NRIP3: variants seen among roughly 807,000 people sequenced by gnomAD.
The protein encoded by NRIP3 is nuclear receptor-interacting protein 3.
NRIP3 carries 31 observed loss-of-function variants against 29.0 expected under a neutral mutation model. The ratio of observed to expected loss-of-function variants is 1.07; its 90% CI spans 0.80 to 1.44. The LOEUF is 1.44. NRIP3 is among the 40% of genes most tolerant of loss of function. The pLI is 0.00. For synonymous variants in NRIP3, 131 were observed against 118.3 expected, an observed-to-expected ratio of 1.11 and a Z score of -0.70; for missense variants, 314 against 297.9, an observed-to-expected ratio of 1.05 and a Z score of -0.40.
At chr11:8,994,710 G>C (rs141730105) in intron 1 of NRIP3, among the ~76,000 whole-genome samples, 1 of 152,056 alleles carries the variant, frequency 6.6e-6, no homozygotes, top group African/African-American at 2.4e-5. Flanking sequence ...ATCCTGAAAC[G>C]CTCCTCCACT....
At chr11:8,993,808 C>CAAAAAAAA (rs35171191) in intron 1 of NRIP3, among the ~76,000 whole-genome samples, 1 of 92,242 alleles carries the variant, frequency 1.1e-5, no homozygotes, top group Non-Finnish European at 2.2e-5. Context: ...GACCCTGCCT[C>CAAAAAAAA]AAAAAAAAAA....
chr11:8,999,302 C>G (rs1436732836), intron 1 of NRIP3, among the ~76,000 whole-genome samples: 2 of 152,158 alleles, frequency 1.3e-5, no homozygotes, highest in African/African-American at 4.8e-5. Flanking sequence ...GAACCTGATC[C>G]TTCCTCCTCT....
rs1333152783 is a variant in NRIP3 at position 8,981,335 on chromosome 11, G to C, written c.*2210C>G. ...TACAAAAAATTAGCCAGGCGTGGTG[G>C]CAGGTGCCTGTAGTCCCAGCTACTT... On this transcript the variant is annotated 3_prime_UTR_variant, in exon 7 of 7. Transcript: ENST00000309166. 6.6e-6 allele frequency: 1 copy of C among 152,182 alleles called. No homozygotes were observed. The highest frequency in any genetic ancestry group is 1.5e-5 in the Non-Finnish European group (1 of 68,110). The allele number at this position is 152,182 out of a possible 1,614,324, so 9.4% of individuals were successfully genotyped here.
intron 1 of NRIP3, among the ~76,000 whole-genome samples, chr11:8,997,241 GGTGGGTGTCT>G (rs1230755916): frequency 6.6e-6 from 1 of 150,732 alleles, no homozygotes; most frequent in Non-Finnish European, 1.5e-5. Flanking sequence ...CAGGTGTGGT[GGTGGGTGTCT>G]GTAATCCCAG....
intron 1 of NRIP3, among the ~76,000 whole-genome samples, chr11:8,997,385 A>G (rs868621165): frequency 3.3e-5 from 5 of 152,094 alleles, no homozygotes; most frequent in South Asian, 2.1e-4. Context: ...AAAAGAAAGA[A>G]AAAAGGATAC....
chr11:8,982,331 A>T lies in NRIP3; in HGVS notation c.*1214T>A, dbSNP rs1373715399. The T allele has an allele frequency of 3.3e-5, 5 of 152,496 alleles. No individual in the cohort carries two copies. Among genetic ancestry groups the T allele is most frequent in the African/African-American group, 9.6e-5 (4 of 41,472 alleles). 9.4% of individuals were successfully genotyped at this position (152,496 alleles called of 1,614,324 possible). ...TTTCCTTGTATCAGGACAGAACTGAACATCTCAATTCCCTGCCTGAAAATG... is the reference window on the plus strand; with the variant it reads ...TTTCCTTGTATCAGGACAGAACTGATCATCTCAATTCCCTGCCTGAAAATG... On this transcript the variant is annotated 3_prime_UTR_variant, in exon 7 of 7. Coordinates refer to ENST00000309166, the MANE Select transcript of NRIP3 (RefSeq NM_020645.3).
intron 1 of NRIP3, among the ~76,000 whole-genome samples, chr11:8,989,157 T>C (rs1167296455): frequency 6.6e-6 from 1 of 152,238 alleles, no homozygotes; most frequent in African/African-American, 2.4e-5. Flanking sequence ...TACACTTTGA[T>C]AGAGCTTAGG....
intron 4 of NRIP3, among the ~76,000 whole-genome samples, chr11:8,985,354 A>T (rs1199743140): frequency 6.6e-6 from 1 of 150,832 alleles, no homozygotes; most frequent in African/African-American, 2.4e-5. Context: ...TATTTTTAGT[A>T]GAGATGGGGT....
rs1854407608 is a variant in NRIP3 at position 8,981,141 on chromosome 11, A to G, written c.*2404T>C. The G allele has an allele frequency of 6.6e-6, 1 of 152,260 alleles. No homozygotes were observed. Among genetic ancestry groups the G allele is most frequent in the Admixed American group, 6.5e-5 (1 of 15,282 alleles). The allele number at this position is 152,260 out of a possible 1,614,324, so 9.4% of individuals were successfully genotyped here. On this transcript the variant is annotated 3_prime_UTR_variant, in exon 7 of 7. Transcript: ENST00000309166. ...CCCTCATGCACATCAAGGAGATATGAGCTAGGAGAATAATCAACTTGGAGG... is the reference window on the plus strand; with the variant it reads ...CCCTCATGCACATCAAGGAGATATGGGCTAGGAGAATAATCAACTTGGAGG...
chr11:9,003,967 G>GT lies in NRIP3; in HGVS notation c.-33_-32insA. 1 of 1,465,376 alleles carries GT rather than the reference G, an allele frequency of 6.8e-7. No individual in the cohort carries two copies. Among genetic ancestry groups the GT allele is most frequent in the Non-Finnish European group, 9.1e-7 (1 of 1,103,278 alleles). 90.8% of individuals were successfully genotyped at this position (1,465,376 alleles called of 1,614,324 possible). A position where few individuals can be genotyped will look rare whatever the true frequency, so the allele number is the denominator to read the frequency against. On this transcript the variant is annotated 5_prime_UTR_variant, in exon 1 of 7. Coordinates refer to ENST00000309166, the MANE Select transcript of NRIP3 (RefSeq NM_020645.3). Reference sequence around the variant, plus strand: ...GGCGCCGGCGGCCCGGTAGCCCACAGCCCCCCGGCAGCCTCAGCCTCGAGC... The same window carrying GT: ...GGCGCCGGCGGCCCGGTAGCCCACAGTCCCCCCGGCAGCCTCAGCCTCGAGC...
At chr11:8,985,319 A>G (rs982551755) in intron 4 of NRIP3, among the ~76,000 whole-genome samples, 23 of 151,136 alleles carry the variant, frequency 1.5e-4, no homozygotes, top group East Asian at 7.8e-4. Context: ...ACAGGCGCCC[A>G]CCACCACGCC....
intron 1 of NRIP3, among the ~76,000 whole-genome samples, chr11:8,997,960 G>A (rs1426374149): frequency 3.3e-5 from 5 of 152,174 alleles, no homozygotes; most frequent in African/African-American, 1.2e-4. Context: ...GAAATCCAAG[G>A]TCACTAGCTA....
chr11:8,984,877 G>A (rs1169475574), intron 4 of NRIP3, among the ~76,000 whole-genome samples: 2 of 151,764 alleles, frequency 1.3e-5, no homozygotes, highest in Non-Finnish European at 2.9e-5. Context: ...TTGAGACGGA[G>A]TTTCGCTCTT....
At chr11:9,000,593 G>C (rs1305040098) in intron 1 of NRIP3, among the ~76,000 whole-genome samples, 1 of 152,156 alleles carries the variant, frequency 6.6e-6, no homozygotes, top group Non-Finnish European at 1.5e-5. Context: ...ATGCCTACAG[G>C]TAAGTATAAT....
chr11:8,999,877 C>T (rs914580267), intron 1 of NRIP3, among the ~76,000 whole-genome samples: 6 of 152,196 alleles, frequency 3.9e-5, no homozygotes, highest in Non-Finnish European at 5.9e-5. Flanking sequence ...CCACCCCACC[C>T]CAGTCACTGC....
At position 8,985,668 on chromosome 11, in the gene NRIP3, G is replaced by T. The variant is rs369526739; in HGVS notation, c.562+43C>A. The T allele has an allele frequency of 3.1e-6, 5 of 1,594,508 alleles. No homozygotes were observed. The African/African-American group carries it at 6.7e-5, about 21-fold the overall frequency. ...AGGTTTTGTTGGGGGTAGGGAGAGGGTTTCCGTTAGGGTCCATAGGTCCAG... is the reference window on the plus strand; with the variant it reads ...AGGTTTTGTTGGGGGTAGGGAGAGGTTTTCCGTTAGGGTCCATAGGTCCAG... On this transcript the variant is annotated intron_variant, in intron 4 of 6. Coordinates refer to ENST00000309166, the MANE Select transcript of NRIP3 (RefSeq NM_020645.3).
chr11:9,001,688 TC>T (rs757610743), intron 1 of NRIP3, among the ~76,000 whole-genome samples: 6 of 152,260 alleles, frequency 3.9e-5, no homozygotes, highest in Non-Finnish European at 8.8e-5. Context: ...TAAGGTCACT[TC>T]TAAGATTGTA....
intron 4 of NRIP3, 148 bp from the exon 5 acceptor site, chr11:8,984,272 TA>T: frequency 5.8e-6 from 3 of 517,016 alleles, no homozygotes; most frequent in Non-Finnish European, 9.9e-6. Context: ...ATTTTTTTTT[TA>T]TTTTTTGAGA....
rs1016107350 is a variant in NRIP3 at position 8,980,721 on chromosome 11, A to G, written c.*2824T>C. ...TCCAGTTCGTCTCCTCCACGTCCCC[A>G]GCCTGGCAATATATTTCTATTACAC... is the stretch of plus-strand genomic sequence containing the variant. On this transcript the variant is annotated 3_prime_UTR_variant, in exon 7 of 7. Coordinates refer to ENST00000309166, the MANE Select transcript of NRIP3 (RefSeq NM_020645.3). The G allele has an allele frequency of 2.0e-5, 3 of 152,230 alleles. No homozygotes were observed. The highest frequency in any genetic ancestry group is 7.2e-5 in the African/African-American group (3 of 41,462). 9.4% of individuals were successfully genotyped at this position (152,230 alleles called of 1,614,324 possible).
Sources: allele counts gnomAD v4.1 joint callset (sites outside exome capture counted in the v4.1 genomes callset), GRCh38; gene constraint gnomAD v4.1.1; transcripts MANE v1.5; gene names NCBI Gene and HGNC (gene_info 2026-07-23, HGNC 2026-07-21).